The following FAT4 variants were observed in gnomAD, a reference collection of about 807,000 sequenced individuals.
FAT4 encodes the protein FAT atypical cadherin 4.
In FAT4, 84 loss-of-function variants were observed where a neutral mutation model predicts 303.9. That is an observed-to-expected ratio of 0.28 (90% CI 0.23 to 0.33). The LOEUF (loss-of-function observed/expected upper bound fraction) is 0.33. Ranked by LOEUF, FAT4 falls within the 10% of genes least tolerant of loss-of-function variation. The pLI is 1.00. For synonymous variants in FAT4, 2,307 were observed against 2,298.8 expected, an observed-to-expected ratio of 1.00 and a Z score of -0.10; for missense variants, 6,005 against 6,146.8, an observed-to-expected ratio of 0.98 and a Z score of 0.77.
At chr4:125,344,580 C>G (rs1432889314) in intron 2 of FAT4, among the ~76,000 whole-genome samples, 1 of 152,088 alleles carries the variant, frequency 6.6e-6, no homozygotes, top group Non-Finnish European at 1.5e-5. Flanking sequence ...AGAGAGAAAA[C>G]GAGATATTTT....
chr4:125,414,933 G>A lies in FAT4; in HGVS notation c.5970G>A (p.Gly1990=). The change falls in exon 6 of 18, where the codon GGG becomes GGA. Residue 1990 remains glycine, a synonymous_variant. Coordinates refer to ENST00000394329, the MANE Select transcript of FAT4 (RefSeq NM_001291303.3). Reference sequence around the variant, plus strand: ...GCATTGCTTCAGGTGATAGCCTTGGGCAGTTTACTGTTGACAAGAATGGTG... The same window carrying A: ...GCATTGCTTCAGGTGATAGCCTTGGACAGTTTACTGTTGACAAGAATGGTG... The part of the protein sequence containing the change: ...TYSIASGDSL[G]QFTVDKNGVL... The A allele has an allele frequency of 6.2e-7, 1 of 1,613,130 alleles. No homozygotes were observed. Among genetic ancestry groups the A allele is most frequent in the Non-Finnish European group, 8.5e-7 (1 of 1,179,258 alleles).
intron 7 of FAT4, among the ~76,000 whole-genome samples, chr4:125,419,320 G>T (rs1340497972): frequency 3.9e-5 from 6 of 152,106 alleles, no homozygotes; most frequent in African/African-American, 1.4e-4. Flanking sequence ...ATTGCTGAAG[G>T]CAAACCTTGT....
At chr4:125,448,388 T>C in intron 9 of FAT4, 73 bp from the exon 10 acceptor site, 2 of 1,351,002 alleles carry the variant, frequency 1.5e-6, no homozygotes, top group African/African-American at 1.5e-5. Flanking sequence ...GAGTGTCTTA[T>C]ATGCACTTAT....
chr4:125,320,229 T>C lies in FAT4; in HGVS notation c.3818T>C (p.Leu1273Ser), dbSNP rs2125943983. ...GGTCAGGTAACACTAATTGGCAAAT[T>C]AGACTATGAAGCAACACCTGCCTAT... ...TSGQVTLIGK[L>S]DYEATPAYSL... Residue 1273 changes from leucine to serine, a missense_variant, in exon 2 of 18, where the codon TTA becomes TCA. By Grantham distance (145) the Leu-to-Ser change is moderately radical. Coordinates refer to ENST00000394329, the MANE Select transcript of FAT4 (RefSeq NM_001291303.3). 2 of 1,614,124 alleles carry C rather than the reference T, an allele frequency of 1.2e-6. No homozygotes were observed. Among genetic ancestry groups the C allele is most frequent in the South Asian group, 1.1e-5 (1 of 91,086 alleles).
In FAT4 at chr4:125,449,898, C is replaced by T. The variant is rs1309833479; in HGVS notation, c.8888C>T (p.Pro2963Leu). The stretch of plus-strand genomic sequence containing the variant: ...GTGACATCTTCAGATCGAGGTAAAC[C>T]TTCCTTAATTAGTGAGACAACAGTT... ...FIVTSSDRGK[P>L]SLISETTVTI... The change falls in exon 10 of 18, where the codon CCT becomes CTT. Residue 2963 changes from proline to leucine, a missense_variant. By Grantham distance (98) the Pro-to-Leu change is moderately conservative (BLOSUM62 -3). Coordinates refer to ENST00000394329, the MANE Select transcript of FAT4 (RefSeq NM_001291303.3). The T allele has an allele frequency of 6.2e-7, 1 of 1,613,832 alleles. No individual in the cohort carries two copies. Among genetic ancestry groups the T allele is most frequent in the South Asian group, 1.1e-5 (1 of 91,060 alleles).
At chr4:125,438,540 T>G (rs761849956) in intron 8 of FAT4, among the ~76,000 whole-genome samples, 1 of 152,152 alleles carries the variant, frequency 6.6e-6, no homozygotes, top group Non-Finnish European at 1.5e-5. Flanking sequence ...AAAAACCCCA[T>G]CAGTGAAAAT....
intron 2 of FAT4, among the ~76,000 whole-genome samples, chr4:125,322,430 C>T (rs1305234472): frequency 6.6e-6 from 1 of 152,104 alleles, no homozygotes; most frequent in Non-Finnish European, 1.5e-5. Flanking sequence ...CGTTGATTTG[C>T]TTTTTAATTG....
chr4:125,490,693 A>G lies in FAT4; in HGVS notation c.13877A>G (p.Asn4626Ser). ...EQEIEHYDID[N>S]ASSIAPSDAD... ...GAGATAGAGCACTATGACATTGACAACGCCAGCAGCATCGCCCCTTCGGAT... is the reference window on the plus strand; with the variant it reads ...GAGATAGAGCACTATGACATTGACAGCGCCAGCAGCATCGCCCCTTCGGAT... The change falls in exon 18 of 18, where the codon AAC becomes AGC. Residue 4626 changes from asparagine to serine, a missense_variant. Physicochemically the swap from Asn to Ser is conservative, Grantham distance 46. Transcript: ENST00000394329. The G allele has an allele frequency of 6.2e-7, 1 of 1,614,088 alleles. No homozygotes were observed. Among genetic ancestry groups the G allele is most frequent in the Non-Finnish European group, 8.5e-7 (1 of 1,180,018 alleles).
Position 125,320,690 on chromosome 4 carries a change from A to G in FAT4, c.4279A>G (p.Lys1427Glu), listed in dbSNP as rs769872287. The change falls in exon 2 of 18, where the codon AAG (lysine) becomes GAG (glutamate). Residue 1427 changes from lysine to glutamate, a missense_variant. Coordinates refer to ENST00000394329, the MANE Select transcript of FAT4 (RefSeq NM_001291303.3). ...PPSFPPGDIF[K>E]SIVENIPIGT... Reference sequence around the variant, plus strand: ...TAGCTTTCCTCCTGGAGATATTTTCAAGTCTATTGTTGAGAACATTCCCAT... The same window carrying G: ...TAGCTTTCCTCCTGGAGATATTTTCGAGTCTATTGTTGAGAACATTCCCAT... 2 of 1,613,972 alleles carry G rather than the reference A, an allele frequency of 1.2e-6. No homozygotes were observed. Among genetic ancestry groups the G allele is most frequent in the Non-Finnish European group, 8.5e-7 (1 of 1,179,836 alleles).
In FAT4 at chr4:125,446,504, C is replaced by T; in HGVS notation, c.7411C>T (p.His2471Tyr). ...VNDNPPRFQH[H>Y]PYVTHIPSPT... Reference sequence around the variant, plus strand: ...TGACAATCCACCAAGATTTCAGCATCACCCATATGTCACTCACATCCCATC... The same window carrying T: ...TGACAATCCACCAAGATTTCAGCATTACCCATATGTCACTCACATCCCATC... Residue 2471 changes from histidine (H) to tyrosine (Y), a missense_variant, in exon 9 of 18, where the codon CAC (histidine) becomes TAC (tyrosine). Physicochemically the swap from His to Tyr is moderately conservative, Grantham distance 83. Coordinates refer to ENST00000394329, the MANE Select transcript of FAT4 (RefSeq NM_001291303.3). The T allele has an allele frequency of 6.2e-7, 1 of 1,613,404 alleles. No individual in the cohort carries two copies. The highest frequency in any genetic ancestry group is 8.5e-7 in the Non-Finnish European group (1 of 1,179,460).
chr4:125,328,799 A>G (rs1289466373), intron 2 of FAT4, among the ~76,000 whole-genome samples: 1 of 152,186 alleles, frequency 6.6e-6, no homozygotes, highest in East Asian at 1.9e-4. Flanking sequence ...GAGTTGGTTT[A>G]TGGTGGAAGC....
chr4:125,387,224 A>C (rs924532453), intron 2 of FAT4, among the ~76,000 whole-genome samples: 54 of 152,328 alleles, frequency 3.5e-4, no homozygotes, highest in African/African-American at 1.3e-3. Context: ...TAGCATAGCT[A>C]TGAGTCAAAG....
Position 125,478,400 on chromosome 4 carries a change from AT to A in FAT4, c.12479+1076del, listed in dbSNP as rs1000069747. 1.9e-3 allele frequency among the ~76,000 whole-genome samples: 290 copies of A among 150,422 alleles called. 3 individuals carry two copies. The highest frequency in any genetic ancestry group is 6.2e-3 in the African/African-American group (256 of 41,014). ...CACACAAGTACTTTTTTAAATATCA[AT>A]TTTTTTTTTCATTTAGAGATATTTT... On this transcript the variant is annotated intron_variant, in intron 14 of 17. Coordinates refer to ENST00000394329, the MANE Select transcript of FAT4 (RefSeq NM_001291303.3).
In FAT4 at chr4:125,317,982, A is replaced by G. The variant is rs747390989; in HGVS notation, c.1571A>G (p.His524Arg). ...TCTGGCAATGGACTGGGATGGTTCC[A>G]TATCAGTGAACATAGCGGCCTCGTG... Reference protein sequence around the residue: ...IVSGNGLGWFHISEHSGLVTT... With the variant: ...IVSGNGLGWFRISEHSGLVTT... Residue 524 changes from histidine (H) to arginine (R), a missense_variant, in exon 2 of 18, where the codon CAT (histidine) becomes CGT (arginine). By Grantham distance (29) the His-to-Arg change is conservative. Coordinates refer to ENST00000394329, the MANE Select transcript of FAT4 (RefSeq NM_001291303.3). The surrounding 1 kb of genome is among the most constrained non-coding windows in gnomAD (Gnocchi z 7.0). 5 of 1,614,096 alleles carry G rather than the reference A, an allele frequency of 3.1e-6. No homozygotes were observed. The highest frequency in any genetic ancestry group is 1.3e-5 in the African/African-American group (1 of 74,944).
intron 4 of FAT4, among the ~76,000 whole-genome samples, chr4:125,407,856 A>G (rs888163842): frequency 5.9e-5 from 9 of 151,998 alleles, no homozygotes; most frequent in Non-Finnish European, 7.4e-5. Context: ...TCTGAATTAC[A>G]TTTGGAATGA....
At chr4:125,349,032 G>A (rs959457081) in intron 2 of FAT4, among the ~76,000 whole-genome samples, 12 of 151,646 alleles carry the variant, frequency 7.9e-5, no homozygotes, top group South Asian at 2.1e-4. Context: ...TTTAGTTTTC[G>A]TTACCACGAT....
chr4:125,353,880 T>C (rs1732328047), intron 2 of FAT4, among the ~76,000 whole-genome samples: 1 of 151,698 alleles, frequency 6.6e-6, no homozygotes. Flanking sequence ...AATGATAGAA[T>C]CAACCCAAAG....
chr4:125,445,043 A>G (rs184714675), intron 8 of FAT4, among the ~76,000 whole-genome samples: 2 of 152,222 alleles, frequency 1.3e-5, no homozygotes, highest in East Asian at 3.9e-4. Context: ...TTCTGGCCCA[A>G]TAACTATAGT....
chr4:125,458,378 A>T (rs947143790), intron 10 of FAT4, among the ~76,000 whole-genome samples: 1 of 152,006 alleles, frequency 6.6e-6, no homozygotes, highest in African/African-American at 2.4e-5. Context: ...AGATGGAAAG[A>T]GTTACTAAGA....
Sources: gnomAD v4.1 joint callset for allele counts (sites outside exome capture counted in the v4.1 genomes callset) on GRCh38, gnomAD v4.1.1 for gene constraint, Gnocchi (gnomAD v3.1) non-coding constraint, MANE v1.5 for transcripts, NCBI Gene and HGNC (gene_info 2026-07-23, HGNC 2026-07-21) for gene names.